The following RBBP9 variants were observed in gnomAD, a reference collection of about 807,000 sequenced individuals.
The protein encoded by RBBP9 is serine hydrolase RBBP9.
Under a neutral mutation model 24.2 loss-of-function variants are expected in RBBP9, and 20 were observed. The observed-to-expected ratio is 0.83, with a 90% CI of 0.58 to 1.20. The LOEUF is 1.20. Among genes scored for constraint, RBBP9 ranks in the 50% most tolerant of loss-of-function variants. The pLI, the probability that RBBP9 is intolerant of heterozygous loss-of-function variation, is 0.00. For missense variants in RBBP9, 234 were observed against 233.6 expected, an observed-to-expected ratio of 1.00 and a Z score of -0.01; for synonymous variants, 74 against 84.6, an observed-to-expected ratio of 0.87 and a Z score of 0.69.
At position 18,497,150 on chromosome 20, in the gene RBBP9, C is replaced by CT; in HGVS notation, c.17dup (p.Ala7GlyfsTer36). On this transcript the variant is annotated frameshift_variant, in exon 1 of 5. Coordinates refer to ENST00000337227, the MANE Select transcript of RBBP9 (RefSeq NM_006606.3). LOFTEE classifies it high-confidence loss of function. The stretch of plus-strand genomic sequence containing the variant: ...CTCCGTTCCCGGGAACAATCACTGC[C>CT]TTGCTAGGAGAAGCCATGAGTGCAG... 6.2e-7 allele frequency: 1 copy of CT among 1,614,102 alleles called. No homozygotes were observed. Among genetic ancestry groups the CT allele is most frequent in the Non-Finnish European group, 8.5e-7 (1 of 1,179,938 alleles).
At position 18,487,647 on chromosome 20, in the gene RBBP9, CAGG is replaced by C. The variant is rs1429301221; in HGVS notation, c.*2114_*2116del. The C allele has an allele frequency of 6.6e-6, 1 of 151,980 alleles. No homozygotes were observed. The highest frequency in any genetic ancestry group is 1.5e-5 in the Non-Finnish European group (1 of 68,000). 9.4% of individuals were successfully genotyped at this position (151,980 alleles called of 1,614,324 possible). On this transcript the variant is annotated 3_prime_UTR_variant, in exon 5 of 5. Transcript: ENST00000337227. ...GCTTAGTGTAACAAATTCAAATAAT[CAGG>C]AGGATAAAGTAAAATAAGGGGCCGG...
intron 1 of RBBP9, among the ~76,000 whole-genome samples, chr20:18,496,220 G>A (rs903006613): frequency 1.3e-5 from 2 of 152,170 alleles, no homozygotes; most frequent in Admixed American, 1.3e-4. Flanking sequence ...GTAAAACGTG[G>A]CACAGGAACG....
chr20:18,497,156 A>G lies in RBBP9; in HGVS notation c.12T>C (p.Pro4=). 1 of 1,613,832 alleles carries G rather than the reference A, an allele frequency of 6.2e-7. No homozygotes were observed. Among genetic ancestry groups the G allele is most frequent in the Non-Finnish European group, 8.5e-7 (1 of 1,179,774 alleles). ...TCCCGGGAACAATCACTGCCTTGCT[A>G]GGAGAAGCCATGAGTGCAGCGAGGC... The part of the protein sequence containing the change: MAS[P]SKAVIVPGNG... Residue 4 remains proline (P), a synonymous_variant, in exon 1 of 5, where the codon CCT becomes CCC. Coordinates refer to ENST00000337227, the MANE Select transcript of RBBP9 (RefSeq NM_006606.3).
Position 18,487,752 on chromosome 20 carries a change from G to C in RBBP9, c.*2012C>G, listed in dbSNP as rs2059849298. Reference sequence around the variant, plus strand: ...GGATCACTTGAGGCCAGGAGTTCGAGACCAGCCTGGCCAACATGGTGAAAC... The same window carrying C: ...GGATCACTTGAGGCCAGGAGTTCGACACCAGCCTGGCCAACATGGTGAAAC... On this transcript the variant is annotated 3_prime_UTR_variant, in exon 5 of 5. Coordinates refer to ENST00000337227, the MANE Select transcript of RBBP9 (RefSeq NM_006606.3). 1 of 152,192 alleles carries C rather than the reference G, an allele frequency of 6.6e-6. No individual in the cohort carries two copies. Among genetic ancestry groups the C allele is most frequent in the South Asian group, 2.1e-4 (1 of 4,832 alleles). 9.4% of individuals were successfully genotyped at this position (152,192 alleles called of 1,614,324 possible).
intron 2 of RBBP9, among the ~76,000 whole-genome samples, chr20:18,495,074 C>G (rs1178103072): frequency 6.6e-6 from 1 of 151,462 alleles, no homozygotes; most frequent in Non-Finnish European, 1.5e-5. Context: ...GCCACCACCC[C>G]GTCTGGGAGG....
At chr20:18,490,682 CTTT>C (rs398061351) in intron 3 of RBBP9, among the ~76,000 whole-genome samples, 5 of 139,186 alleles carry the variant, frequency 3.6e-5, no homozygotes, top group East Asian at 2.1e-4. Context: ...ACTCATTTTT[CTTT>C]TTTTTTTTTT....
rs879524861 is a variant in RBBP9, at chr20:18,487,749, C to A, written c.*2015G>T. 1 of 152,084 alleles carries A rather than the reference C, an allele frequency of 6.6e-6. No homozygotes were observed. The highest frequency in any genetic ancestry group is 2.4e-5 in the African/African-American group (1 of 41,384). 9.4% of individuals were successfully genotyped at this position (152,084 alleles called of 1,614,324 possible). On this transcript the variant is annotated 3_prime_UTR_variant, in exon 5 of 5. Coordinates refer to ENST00000337227, the MANE Select transcript of RBBP9 (RefSeq NM_006606.3). ...GGTGGATCACTTGAGGCCAGGAGTT[C>A]GAGACCAGCCTGGCCAACATGGTGA...
intron 4 of RBBP9, 100 bp from the exon 5 acceptor site, chr20:18,490,090 C>A: frequency 1.2e-6 from 1 of 811,952 alleles, no homozygotes; most frequent in Admixed American, 2.8e-5. Context: ...CGCAAAGGAG[C>A]AGAGCCTCCG....
chr20:18,494,180 G>C (rs2059875474), intron 2 of RBBP9, 117 bp from the exon 3 acceptor site: 1 of 727,334 alleles, frequency 1.4e-6, no homozygotes, highest in Admixed American at 2.7e-5. Flanking sequence ...AAAACTGCAG[G>C]ACCACAGCAG....
chr20:18,496,434 C>CA (rs774336094), intron 1 of RBBP9, among the ~76,000 whole-genome samples: 5 of 152,182 alleles, frequency 3.3e-5, no homozygotes, highest in Non-Finnish European at 7.3e-5. Flanking sequence ...GGTCAGCCTA[C>CA]AGTAAGATGC....
At chr20:18,494,160 C>T (rs2059875426) in intron 2 of RBBP9, 97 bp from the exon 3 acceptor site, 1 of 923,486 alleles carries the variant, frequency 1.1e-6, no homozygotes, top group Admixed American at 2.4e-5. Context: ...TTCAGCAGTT[C>T]ACAACTTTTA....
At chr20:18,494,635 C>T (rs1325281220) in intron 2 of RBBP9, among the ~76,000 whole-genome samples, 1 of 151,820 alleles carries the variant, frequency 6.6e-6, no homozygotes, top group Non-Finnish European at 1.5e-5. Flanking sequence ...GAGCCAACAT[C>T]ACGCCACAGC....
At chr20:18,495,150 G>T (rs1008644817) in intron 2 of RBBP9, among the ~76,000 whole-genome samples, 106 of 149,678 alleles carry the variant, frequency 7.1e-4, no homozygotes, top group South Asian at 3.2e-3. Flanking sequence ...TAGAAAGGGG[G>T]GAAAGGTGGG....
At chr20:18,490,048 T>C in intron 4 of RBBP9, 58 bp from the exon 5 acceptor site, 1 of 1,273,374 alleles carries the variant, frequency 7.9e-7, no homozygotes, top group Non-Finnish European at 1.1e-6. Context: ...TTCTAGATAT[T>C]CTAAAATACC....
In RBBP9 at chr20:18,490,343, C is replaced by G. The variant is rs368024093; in HGVS notation, c.334+52G>C. The G allele has an allele frequency of 6.4e-6, 9 of 1,416,306 alleles. No individual in the cohort carries two copies. The African/African-American group carries it at 9.9e-5, about 16-fold the overall frequency. The allele number at this position is 1,416,306 out of a possible 1,614,324, so 87.7% of individuals were successfully genotyped here. On this transcript the variant is annotated intron_variant, in intron 4 of 4. Coordinates refer to ENST00000337227, the MANE Select transcript of RBBP9 (RefSeq NM_006606.3). ...GCACTGTTTTTACAACCTAAACAGA[C>G]AGCCCCATGTCTAGAGAAGGGCTTT...
At chr20:18,494,477 G>C (rs528758685) in intron 2 of RBBP9, among the ~76,000 whole-genome samples, 1 of 151,842 alleles carries the variant, frequency 6.6e-6, no homozygotes, top group Non-Finnish European at 1.5e-5. Context: ...TCAGGAGTTC[G>C]AGACCAGCCT....
intron 3 of RBBP9, among the ~76,000 whole-genome samples, chr20:18,491,005 A>G (rs992203191): frequency 6.6e-6 from 1 of 152,120 alleles, no homozygotes; most frequent in Non-Finnish European, 1.5e-5. Context: ...GGTAGTTGAA[A>G]CTTGTACAAA....
chr20:18,487,593 T>C lies in RBBP9; in HGVS notation c.*2171A>G, dbSNP rs1183146228. On this transcript the variant is annotated 3_prime_UTR_variant, in exon 5 of 5. Transcript: ENST00000337227. ...TAGTAGTCAAATACATTGTTTTAAA[T>C]CTTAATTATTTTTGATTATAAAATA... 2 of 152,206 alleles carry C rather than the reference T, an allele frequency of 1.3e-5. No homozygotes were observed. Among genetic ancestry groups the C allele is most frequent in the African/African-American group, 4.8e-5 (2 of 41,442 alleles). The allele number at this position is 152,206 out of a possible 1,614,324, so 9.4% of individuals were successfully genotyped here.
At chr20:18,493,477 G>A (rs2059872814) in intron 3 of RBBP9, among the ~76,000 whole-genome samples, 1 of 152,182 alleles carries the variant, frequency 6.6e-6, no homozygotes, top group Non-Finnish European at 1.5e-5. Context: ...GAGTGAGGAA[G>A]CCATTTCATA....
Sources: gnomAD v4.1 joint callset for allele counts (sites outside exome capture counted in the v4.1 genomes callset) on GRCh38, gnomAD v4.1.1 for gene constraint, MANE v1.5 for transcripts, NCBI Gene and HGNC (gene_info 2026-07-23, HGNC 2026-07-21) for gene names.